FAH: variants seen among roughly 807,000 people sequenced by gnomAD.
FAH encodes the protein fumarylacetoacetase.
In FAH, 47 loss-of-function variants were observed where a neutral mutation model predicts 55.8. That is an observed-to-expected ratio of 0.84 (90% CI 0.67 to 1.07). FAH has a LOEUF of 1.07. Ranked by LOEUF, FAH falls within the 50% of genes least tolerant of loss-of-function variation. The probability of loss-of-function intolerance (pLI) is 0.00; values close to 1 mark genes in which losing one functional copy is unlikely to be tolerated. For missense variants in FAH, 495 were observed against 545.9 expected (o/e 0.91, Z 0.93); for synonymous variants, 199 against 207.7 (o/e 0.96, Z 0.36).
At chr15:80,181,811 T>C (rs1025438382) in intron 13 of FAH, among the ~76,000 whole-genome samples, 2 of 152,082 alleles carry the variant, frequency 1.3e-5, no homozygotes, top group South Asian at 2.1e-4. Flanking sequence ...AGTGGCACAA[T>C]CTCAGCTCAC....
rs779040832 is a variant in FAH at position 80,180,188 on chromosome 15, C to T, written c.1025C>T (p.Pro342Leu). ...HHSVNGCNLR[P>L]GDLLASGTIS... Reference sequence around the variant, plus strand: ...TCTGTCAACGGCTGCAACCTGCGGCCGGGGGACCTCCTGGCTTCTGGGACC... The same window carrying T: ...TCTGTCAACGGCTGCAACCTGCGGCTGGGGGACCTCCTGGCTTCTGGGACC... Residue 342 changes from proline to leucine, a missense_variant, in exon 12 of 14, where the codon CCG becomes CTG. Transcript: ENST00000561421. 1.1e-5 allele frequency: 17 copies of T among 1,609,618 alleles called. No homozygotes were observed. The highest frequency in any genetic ancestry group is 1.7e-4 in the Middle Eastern group (1 of 6,058).
Position 80,156,397 on chromosome 15 carries a change from T to C in FAH, c.82-1663T>C, listed in dbSNP as rs564613007. The C allele has an allele frequency of 5.8e-4, 89 of 152,918 alleles. 2 individuals carry two copies. In the South Asian group the frequency reaches 0.011, roughly 20 times the overall value. The allele number at this position is 152,918 out of a possible 1,614,324, so 9.5% of individuals were successfully genotyped here. Reference sequence around the variant, plus strand: ...CTGTATATCTAATTTGTATTACAACTGTATAGCAGTATAGCTACAGTTTAT... The same window carrying C: ...CTGTATATCTAATTTGTATTACAACCGTATAGCAGTATAGCTACAGTTTAT... On this transcript the variant is annotated intron_variant, in intron 1 of 13. Coordinates refer to ENST00000561421, the MANE Select transcript of FAH (RefSeq NM_000137.4).
At chr15:80,165,251 A>G (rs1963890) in intron 5 of FAH, among the ~76,000 whole-genome samples, 110,953 of 151,216 alleles carry the variant, frequency 0.73, 40,811 homozygotes, top group East Asian at 0.88. Flanking sequence ...ATTAGCAGCC[A>G]GGCGTGGTGG....
chr15:80,153,078 G>A lies in FAH; in HGVS notation c.24G>A (p.Glu8=), dbSNP rs1228682934. 2 of 1,613,896 alleles carry A rather than the reference G, an allele frequency of 1.2e-6. No individual in the cohort carries two copies. Among genetic ancestry groups the A allele is most frequent in the East Asian group, 2.2e-5 (1 of 44,850 alleles). Residue 8 remains glutamate, a synonymous_variant, in exon 1 of 14, where the codon GAG becomes GAA. Transcript: ENST00000561421. MSFIPVA[E]DSDFPIHNLP... The stretch of plus-strand genomic sequence containing the variant: ...GCATGTCCTTCATCCCGGTGGCCGA[G>A]GATTCCGACTTCCCCATCCACAACC...
chr15:80,157,809 C>T, intron 1 of FAH: 2 of 542,242 alleles, frequency 3.7e-6, no homozygotes, highest in East Asian at 3.3e-5. Flanking sequence ...CTGCTCTTCC[C>T]CCAGTCCAAG....
intron 5 of FAH, among the ~76,000 whole-genome samples, chr15:80,165,754 A>G (rs925010960): frequency 6.6e-5 from 10 of 151,400 alleles, no homozygotes; most frequent in African/African-American, 1.7e-4. Flanking sequence ...ATAGAAATAT[A>G]GGGAAATGAG....
At chr15:80,180,067 C>A in intron 11 of FAH, 57 bp from the exon 12 acceptor site, 1 of 1,411,642 alleles carries the variant, frequency 7.1e-7, no homozygotes, top group East Asian at 2.3e-5. Flanking sequence ...CAGCTGCCTC[C>A]GGGATGCTAG....
At chr15:80,175,301 C>A in intron 10 of FAH, among the ~76,000 whole-genome samples, 1 of 151,990 alleles carries the variant, frequency 6.6e-6, no homozygotes, top group East Asian at 1.9e-4. Flanking sequence ...GGGCATTAAC[C>A]CTGTCACTGA....
intron 3 of FAH, 69 bp downstream of exon 3, chr15:80,159,946 A>C: frequency 6.4e-7 from 1 of 1,571,798 alleles, no homozygotes; most frequent in Non-Finnish European, 8.7e-7. Flanking sequence ...TGTGGTTATC[A>C]GTGCCATTCT....
chr15:80,160,815 T>A (rs2041142380), intron 4 of FAH, among the ~76,000 whole-genome samples: 1 of 152,170 alleles, frequency 6.6e-6, no homozygotes, highest in Admixed American at 6.5e-5. Flanking sequence ...CAGAGGGCTA[T>A]GAAGGGCCCC....
At chr15:80,153,958 C>T (rs1334235793) in intron 1 of FAH, among the ~76,000 whole-genome samples, 7 of 152,128 alleles carry the variant, frequency 4.6e-5, no homozygotes, top group Non-Finnish European at 1.0e-4. Flanking sequence ...GTTTGCTAAA[C>T]GAGGGGCCTG....
intron 10 of FAH, among the ~76,000 whole-genome samples, chr15:80,175,830 A>G (rs117619181): frequency 0.018 from 2,805 of 152,246 alleles, 59 homozygotes; most frequent in Admixed American, 0.033. Flanking sequence ...TGTGAGGACC[A>G]AACATGTCAA....
In FAH at chr15:80,158,060, C is replaced by G. The variant is rs746299576; in HGVS notation, c.82C>G (p.Pro28Ala). ...PYGVFSTRGD[P>A]RPRIGVAIGD... ...GCTGACGGTGTCGTCTTCCTCCTAG[C>G]CAAGACCGAGGATAGGTGTGGCCAT... is the stretch of plus-strand genomic sequence containing the variant. The change falls in exon 2 of 14, where the codon CCA becomes GCA. Residue 28 changes from proline (P) to alanine (A), a missense_variant and splice_region_variant. Coordinates refer to ENST00000561421, the MANE Select transcript of FAH (RefSeq NM_000137.4). 39 of 1,612,382 alleles carry G rather than the reference C, an allele frequency of 2.4e-5. No individual in the cohort carries two copies. Among genetic ancestry groups the G allele is most frequent in the Non-Finnish European group, 3.2e-5 (38 of 1,178,412 alleles).
At chr15:80,164,476 C>A (rs949974457) in intron 5 of FAH, among the ~76,000 whole-genome samples, 1 of 152,176 alleles carries the variant, frequency 6.6e-6, no homozygotes, top group African/African-American at 2.4e-5. Flanking sequence ...ATAATATCCA[C>A]AGGCTCCAGG....
At chr15:80,160,288 G>A (rs2041137299) in intron 3 of FAH, 122 bp from the exon 4 acceptor site, 1 of 1,006,916 alleles carries the variant, frequency 9.9e-7, no homozygotes, top group South Asian at 1.3e-5. Flanking sequence ...CTGGCCCCAG[G>A]CCAGCCAGAA....
chr15:80,177,338 G>C (rs974185918), intron 10 of FAH, 199 bp from the exon 11 acceptor site: 1 of 614,352 alleles, frequency 1.6e-6, no homozygotes, highest in African/African-American at 1.8e-5. Context: ...CGTGGGAGGA[G>C]GAAGTGATGA....
At chr15:80,168,203 CAG>C (rs1257818578) in intron 6 of FAH, 54 bp downstream of exon 6, 19 of 1,609,534 alleles carry the variant, frequency 1.2e-5, no homozygotes, top group Non-Finnish European at 1.5e-5. Flanking sequence ...TGTTCCCACA[CAG>C]AGAGTTCTGT....
chr15:80,156,186 G>A (rs142741945), intron 1 of FAH: 114 of 224,810 alleles, frequency 5.1e-4, no homozygotes, highest in African/African-American at 2.3e-3. Context: ...GCGCTCAAGC[G>A]GCCCTTATGC....
At chr15:80,167,583 G>A (rs1177087201) in intron 5 of FAH, among the ~76,000 whole-genome samples, 1 of 146,222 alleles carries the variant, frequency 6.8e-6, no homozygotes, top group Non-Finnish European at 1.5e-5. Flanking sequence ...CTAGGCTGGA[G>A]TGCAGTGGTG....
Sources: allele counts gnomAD v4.1 joint callset (sites outside exome capture counted in the v4.1 genomes callset), GRCh38; gene constraint gnomAD v4.1.1; transcripts MANE v1.5; gene names NCBI Gene and HGNC (gene_info 2026-07-23, HGNC 2026-07-21).